Variants in KIAA0825 observed in about 807,000 individuals in gnomAD.
KIAA0825 encodes uncharacterized protein KIAA0825.
Under a neutral mutation model 147.6 loss-of-function variants are expected in KIAA0825, and 119 were observed. The ratio of observed to expected loss-of-function variants is 0.81; its 90% CI spans 0.69 to 0.94. The LOEUF (loss-of-function observed/expected upper bound fraction) is 0.94, where lower values mean the gene tolerates loss of function less well. Ranked by LOEUF, KIAA0825 falls within the 40% of genes least tolerant of loss-of-function variation. The probability of loss-of-function intolerance (pLI) is 0.00; values close to 1 mark genes in which losing one functional copy is unlikely to be tolerated. For missense variants in KIAA0825, 1,381 were observed against 1,472.7 expected (o/e 0.94, Z 1.02); for synonymous variants, 470 against 518.1 (o/e 0.91, Z 1.26).
intron 5 of KIAA0825, among the ~76,000 whole-genome samples, chr5:94,509,843 A>ATGTTCCCAGTTTCT (rs1766235057): frequency 6.6e-6 from 1 of 152,200 alleles, no homozygotes; most frequent in Non-Finnish European, 1.5e-5. Flanking sequence ...ATAACTGGGA[A>ATGTTCCCAGTTTCT]CTTCAGGGCT....
chr5:94,227,170 G>A (rs899861567), intron 20 of KIAA0825, among the ~76,000 whole-genome samples: 15 of 152,260 alleles, frequency 9.9e-5, no homozygotes, highest in Middle Eastern at 3.4e-3. Context: ...ATGATAGACT[G>A]GATCAAGAAA....
At chr5:94,453,101 T>C in intron 12 of KIAA0825, 32 bp from the exon 13 acceptor site, 3 of 1,085,952 alleles carry the variant, frequency 2.8e-6, no homozygotes, top group South Asian at 1.5e-5. Flanking sequence ...GTTTAGAATA[T>C]ACAGGAAGCA....
intron 5 of KIAA0825, among the ~76,000 whole-genome samples, chr5:94,516,957 G>A (rs1173342182): frequency 6.6e-6 from 1 of 151,892 alleles, no homozygotes; most frequent in Non-Finnish European, 1.5e-5. Context: ...AAAATTAACC[G>A]GGCATGGTAG....
intron 2 of KIAA0825, chr5:94,569,046 A>T (rs1180784411): frequency 5.9e-6 from 1 of 169,456 alleles, no homozygotes; most frequent in African/African-American, 2.4e-5. Context: ...CCCCCGCACC[A>T]ATAGGATCCT....
chr5:94,299,577 A>T (rs181437624), intron 20 of KIAA0825, among the ~76,000 whole-genome samples: 166 of 152,192 alleles, frequency 1.1e-3, no homozygotes, highest in Admixed American at 2.4e-3. Flanking sequence ...AACATATAGC[A>T]TTACTCAAAT....
chr5:94,161,956 T>C (rs1225809591), intron 20 of KIAA0825, among the ~76,000 whole-genome samples: 3 of 152,214 alleles, frequency 2.0e-5, no homozygotes, highest in African/African-American at 7.2e-5. Context: ...TCAAGTTATG[T>C]TGTTAGAAGC....
intron 14 of KIAA0825, among the ~76,000 whole-genome samples, chr5:94,439,483 T>C (rs374281995): frequency 6.6e-6 from 1 of 152,176 alleles, no homozygotes; most frequent in East Asian, 1.9e-4. Context: ...CATTCAGAAT[T>C]TTCTGATGAT....
chr5:94,569,677 C>A, intron 2 of KIAA0825: 1 of 342,380 alleles, frequency 2.9e-6, no homozygotes, highest in South Asian at 1.5e-4. Context: ...TTCAAATGAT[C>A]ACAGGACTAT....
intron 20 of KIAA0825, among the ~76,000 whole-genome samples, chr5:94,339,042 A>G (rs1782092229): frequency 1.3e-5 from 2 of 152,116 alleles, no homozygotes; most frequent in South Asian, 2.1e-4. Context: ...ATTTTTTCAC[A>G]TATTTCTTTC....
intron 1 of KIAA0825, chr5:94,594,695 G>T: frequency 1.6e-6 from 1 of 634,262 alleles, no homozygotes. Context: ...ATATAATTCA[G>T]ATTCCTTGGT....
intron 2 of KIAA0825, among the ~76,000 whole-genome samples, chr5:94,571,875 G>C (rs1008306725): frequency 1.3e-5 from 2 of 152,146 alleles, no homozygotes; most frequent in Non-Finnish European, 1.5e-5. Context: ...ACATTATCCA[G>C]TAATAAAATA....
rs1285601325 is a variant in KIAA0825, at chr5:94,391,803, T to C, written c.3297-109A>G. The C allele has an allele frequency of 7.3e-6, 7 of 956,796 alleles. No homozygotes were observed. The Admixed American group carries it at 1.3e-4, about 17-fold the overall frequency. The allele number at this position is 956,796 out of a possible 1,614,324, so 59.3% of individuals were successfully genotyped here. Reference sequence around the variant, plus strand: ...TGATGTAAATCTCAGATTCAAAGCATCCATAAAGACTACGCTGAAATAGGT... The same window carrying C: ...TGATGTAAATCTCAGATTCAAAGCACCCATAAAGACTACGCTGAAATAGGT... On this transcript the variant is annotated intron_variant, in intron 17 of 20. Coordinates refer to ENST00000682413, the MANE Select transcript of KIAA0825 (RefSeq NM_001145678.3).
intron 20 of KIAA0825, among the ~76,000 whole-genome samples, chr5:94,333,676 G>T (rs1781507648): frequency 6.6e-6 from 1 of 152,104 alleles, no homozygotes; most frequent in Non-Finnish European, 1.5e-5. Flanking sequence ...CTCTAGCTTT[G>T]TTCTTTTTGC....
In KIAA0825 at chr5:94,426,490, G is replaced by A. The variant is rs532317374; in HGVS notation, c.2498-9125C>T. ...TACCATATGCTGTCACTCATATGTGGAGGCTATAAAACTTGATCTATTGGA... is the reference window on the plus strand; with the variant it reads ...TACCATATGCTGTCACTCATATGTGAAGGCTATAAAACTTGATCTATTGGA... On this transcript the variant is annotated intron_variant, in intron 14 of 20. Coordinates refer to ENST00000682413, the MANE Select transcript of KIAA0825 (RefSeq NM_001145678.3). Among the ~76,000 whole-genome samples the A allele has an allele frequency of 6.6e-5, 10 of 152,272 alleles. No homozygotes were observed. The East Asian group carries it at 9.6e-4, about 15-fold the overall frequency.
chr5:94,260,003 C>G (rs1776419395), intron 20 of KIAA0825, among the ~76,000 whole-genome samples: 1 of 151,958 alleles, frequency 6.6e-6, no homozygotes. Context: ...ATTATTTTTT[C>G]TGTTACATGC....
chr5:94,183,622 A>G (rs945189296), intron 20 of KIAA0825, among the ~76,000 whole-genome samples: 4 of 152,168 alleles, frequency 2.6e-5, no homozygotes, highest in South Asian at 2.1e-4. Flanking sequence ...CCAATGGCCA[A>G]TGATTTAATC....
chr5:94,293,206 G>A (rs752048511), intron 20 of KIAA0825, among the ~76,000 whole-genome samples: 1 of 152,052 alleles, frequency 6.6e-6, no homozygotes, highest in Non-Finnish European at 1.5e-5. Context: ...TGATGTTAGG[G>A]TATCAATTTT....
intron 11 of KIAA0825, among the ~76,000 whole-genome samples, chr5:94,463,531 A>T (rs1183707714): frequency 6.6e-6 from 1 of 151,404 alleles, no homozygotes; most frequent in Non-Finnish European, 1.5e-5. Context: ...TGCTTTTCCT[A>T]ATTGCTAGAT....
At chr5:94,374,371 C>T (rs527904989) in intron 20 of KIAA0825, among the ~76,000 whole-genome samples, 61 of 152,130 alleles carry the variant, frequency 4.0e-4, no homozygotes, top group African/African-American at 1.5e-3. Context: ...TAATGGAGAC[C>T]TTTATTTATA....
Sources: allele counts gnomAD v4.1 joint callset (sites outside exome capture counted in the v4.1 genomes callset), GRCh38; gene constraint gnomAD v4.1.1; transcripts MANE v1.5; gene names NCBI Gene and HGNC (gene_info 2026-07-23, HGNC 2026-07-21).